Variants in MCPH1 observed in about 807,000 individuals in gnomAD.
The protein encoded by MCPH1 is microcephalin.
A neutral mutation model predicts 84.5 loss-of-function variants in MCPH1; 104 were observed. That is an observed-to-expected ratio of 1.23 (90% CI 1.05 to 1.45). MCPH1 has a LOEUF of 1.45. Among genes scored for constraint, MCPH1 ranks in the 40% most tolerant of loss-of-function variants. The pLI, the probability that MCPH1 is intolerant of heterozygous loss-of-function variation, is 0.00. For missense variants in MCPH1, 1,498 were observed against 1,005.7 expected (o/e 1.49, Z -6.62); for synonymous variants, 514 against 366.8 (o/e 1.40, Z -4.58).
At chr8:6,632,129 T>C (rs541803681) in intron 13 of MCPH1, among the ~76,000 whole-genome samples, 1 of 152,174 alleles carries the variant, frequency 6.6e-6, no homozygotes, top group Non-Finnish European at 1.5e-5. Flanking sequence ...GAACTTAGAA[T>C]AGACAAAGTC....
intron 12 of MCPH1, chr8:6,508,938 T>C (rs777411834): frequency 6.2e-7 from 1 of 1,614,188 alleles, no homozygotes; most frequent in Non-Finnish European, 8.5e-7. Flanking sequence ...CTACCTCCTG[T>C]TAGCATTTGT....
intron 2 of MCPH1, among the ~76,000 whole-genome samples, chr8:6,412,947 C>T (rs1176393524): frequency 1.3e-5 from 2 of 152,164 alleles, no homozygotes; most frequent in African/African-American, 4.8e-5. Flanking sequence ...TTTCCTTTTC[C>T]ATTTTTCAAA....
intron 10 of MCPH1, 46 bp downstream of exon 10, chr8:6,477,677 TTC>T (rs1414257790): frequency 6.6e-7 from 1 of 1,525,656 alleles, no homozygotes; most frequent in Non-Finnish European, 9.1e-7. Flanking sequence ...TGTTAACCTT[TTC>T]TCTCTTATAC....
chr8:6,588,895 T>A (rs1242123302), intron 12 of MCPH1, among the ~76,000 whole-genome samples: 1 of 152,146 alleles, frequency 6.6e-6, no homozygotes, highest in Non-Finnish European at 1.5e-5. Context: ...GAAAGGGGGC[T>A]TTCCATCCTT....
At chr8:6,480,278 C>T (rs139933965) in intron 10 of MCPH1, among the ~76,000 whole-genome samples, 3 of 152,288 alleles carry the variant, frequency 2.0e-5, no homozygotes, top group African/African-American at 7.2e-5. Flanking sequence ...GCGCGTGCCA[C>T]CACGCCTGGC....
intron 12 of MCPH1, among the ~76,000 whole-genome samples, chr8:6,576,044 G>A (rs1827055728): frequency 9.9e-5 from 2 of 20,122 alleles, no homozygotes; most frequent in African/African-American, 1.3e-4. Flanking sequence ...AACTAATACA[G>A]CCTTAAAAAA....
chr8:6,630,286 G>A (rs754582128), intron 13 of MCPH1, among the ~76,000 whole-genome samples: 2 of 152,150 alleles, frequency 1.3e-5, no homozygotes, highest in Non-Finnish European at 2.9e-5. Flanking sequence ...GGTTCCAGGA[G>A]AAATACTAAG....
rs1179191217 is a variant in MCPH1, at chr8:6,521,095, A to G, written c.2214+21166A>G. ...TATATGAGAAATAGCGCCTTTTCTG[A>G]AAGGTGAGAATTTTTTAGTCTTTTG... On this transcript the variant is annotated intron_variant, in intron 12 of 13. Coordinates refer to ENST00000344683, the MANE Select transcript of MCPH1 (RefSeq NM_024596.5). 4.6e-6 allele frequency: 5 copies of G among 1,084,092 alleles called. No homozygotes were observed. In the East Asian group the frequency reaches 1.2e-4, roughly 26 times the overall value. 67.2% of individuals were successfully genotyped at this position (1,084,092 alleles called of 1,614,324 possible). A position where few individuals can be genotyped will look rare whatever the true frequency, so the allele number is the denominator to read the frequency against.
chr8:6,570,616 C>G (rs140685049), intron 12 of MCPH1, among the ~76,000 whole-genome samples: 21 of 152,314 alleles, frequency 1.4e-4, no homozygotes, highest in African/African-American at 4.6e-4. Context: ...CACAGAACCA[C>G]AGAAACCCTG....
chr8:6,446,667 G>C (rs973186743), intron 8 of MCPH1: 2 of 983,974 alleles, frequency 2.0e-6, no homozygotes, highest in Non-Finnish European at 2.4e-6. Flanking sequence ...AAATTCTTTG[G>C]TAGTTAAGAA....
At chr8:6,631,578 A>C (rs974302041) in intron 13 of MCPH1, among the ~76,000 whole-genome samples, 2 of 152,070 alleles carry the variant, frequency 1.3e-5, no homozygotes, top group African/African-American at 4.8e-5. Context: ...TAACATTACT[A>C]ATCATTAGGA....
intron 7 of MCPH1, among the ~76,000 whole-genome samples, chr8:6,443,039 T>A (rs1401306529): frequency 6.6e-6 from 1 of 152,216 alleles, no homozygotes; most frequent in Non-Finnish European, 1.5e-5. Flanking sequence ...ATAGCTAACA[T>A]TGATTTCATT....
At chr8:6,600,663 T>A (rs1829287961) in intron 12 of MCPH1, among the ~76,000 whole-genome samples, 1 of 152,270 alleles carries the variant, frequency 6.6e-6, no homozygotes, top group Admixed American at 6.5e-5. Flanking sequence ...TTTCTTAAGT[T>A]TTTAGTTTAT....
chr8:6,463,244 C>T (rs1289617264), intron 9 of MCPH1, among the ~76,000 whole-genome samples: 3 of 152,156 alleles, frequency 2.0e-5, no homozygotes, highest in East Asian at 3.8e-4. Context: ...CTGAGTTCTG[C>T]GGTCAGAAAT....
intron 12 of MCPH1, among the ~76,000 whole-genome samples, chr8:6,505,785 T>C (rs1229371836): frequency 4.8e-4 from 41 of 85,310 alleles, no homozygotes; most frequent in African/African-American, 1.0e-3. Flanking sequence ...TCTTTATATA[T>C]GTATATATAA....
chr8:6,477,962 A>G (rs1396531631), intron 10 of MCPH1, among the ~76,000 whole-genome samples: 1 of 152,226 alleles, frequency 6.6e-6, no homozygotes, highest in East Asian at 1.9e-4. Flanking sequence ...TCTTAAAGCA[A>G]TACTGCAGCA....
At chr8:6,513,162 C>G (rs1164040629) in intron 12 of MCPH1, among the ~76,000 whole-genome samples, 2 of 152,078 alleles carry the variant, frequency 1.3e-5, no homozygotes, top group African/African-American at 4.8e-5. Context: ...ACACAATGGA[C>G]AAAATACTGT....
chr8:6,429,514 A>G (rs945321876), intron 3 of MCPH1, among the ~76,000 whole-genome samples: 2 of 149,772 alleles, frequency 1.3e-5, no homozygotes, highest in Non-Finnish European at 3.0e-5. Flanking sequence ...CCCAGCTGCC[A>G]GGCTTGGGTT....
intron 12 of MCPH1, among the ~76,000 whole-genome samples, chr8:6,533,657 CA>C (rs1258915615): frequency 6.9e-6 from 1 of 145,508 alleles, no homozygotes; most frequent in African/African-American, 2.5e-5. Flanking sequence ...CGTGAGTGCA[CA>C]AACCATGTTT....
Sources: allele counts gnomAD v4.1 joint callset (sites outside exome capture counted in the v4.1 genomes callset), GRCh38; gene constraint gnomAD v4.1.1; transcripts MANE v1.5; gene names NCBI Gene and HGNC (gene_info 2026-07-23, HGNC 2026-07-21).